Variants in APBA1 observed in about 807,000 individuals in gnomAD.
APBA1 encodes the protein amyloid beta precursor protein binding family A member 1.
In APBA1, 55 loss-of-function variants were observed where a neutral mutation model predicts 86.6. The ratio of observed to expected loss-of-function variants is 0.64; its 90% CI spans 0.51 to 0.80. APBA1 has a LOEUF of 0.80. APBA1 is among the 30% of genes least tolerant of loss of function. The pLI is 0.00. For synonymous variants in APBA1, 511 were observed against 493.9 expected (o/e 1.03, Z -0.46); for missense variants, 1,090 against 1,183.0 (o/e 0.92, Z 1.15).
At chr9:69,531,534 C>T (rs1458063609) in intron 1 of APBA1, among the ~76,000 whole-genome samples, 4 of 152,136 alleles carry the variant, frequency 2.6e-5, no homozygotes, top group African/African-American at 9.7e-5. Context: ...TGCACCTGCT[C>T]CTTCCCCTCT....
chr9:69,639,539 C>T (rs1823244496), intron 1 of APBA1, among the ~76,000 whole-genome samples: 1 of 152,174 alleles, frequency 6.6e-6, no homozygotes, highest in Non-Finnish European at 1.5e-5. Flanking sequence ...GAATCAGGGC[C>T]ACCTTTAATA....
At chr9:69,556,931 G>A (rs1195234926) in intron 1 of APBA1, among the ~76,000 whole-genome samples, 3 of 152,234 alleles carry the variant, frequency 2.0e-5, no homozygotes, top group South Asian at 2.1e-4. Context: ...TTCAGGGATC[G>A]CTGCGTTTCA....
At position 69,472,424 on chromosome 9, in the gene APBA1, G is replaced by A. The variant is rs1835381041; in HGVS notation, c.1297-729C>T. 2.0e-5 allele frequency: 3 copies of A among 152,186 alleles called. No homozygotes were observed. The South Asian group carries it at 6.2e-4, about 31-fold the overall frequency. 9.4% of individuals were successfully genotyped at this position (152,186 alleles called of 1,614,324 possible). A position where few individuals can be genotyped will look rare whatever the true frequency, so the allele number is the denominator to read the frequency against. On this transcript the variant is annotated intron_variant, in intron 3 of 12. Transcript: ENST00000265381. ...CAAAACTCACCATACGTTCCTTTCAGAAGCAGATGTCCTAGATGTAACACT... is the reference window on the plus strand; with the variant it reads ...CAAAACTCACCATACGTTCCTTTCAAAAGCAGATGTCCTAGATGTAACACT...
chr9:69,516,639 C>CCGTAGT lies in APBA1; in HGVS notation c.566_571dup (p.Asp189_Tyr190dup). On this transcript the variant is annotated inframe_insertion, in exon 2 of 13. Transcript: ENST00000265381. This position sits in a 1 kb window ranked among gnomAD's most constrained non-coding sequence, Gnocchi z 7.3. ...CTCGTACACGTGCTCCTGGAGGCCG[C>CCGTAGT]CGTAGTCGGCATAGGGCTCGGAGTA... The CCGTAGT allele has an allele frequency of 6.2e-7, 1 of 1,608,408 alleles. No homozygotes were observed. Among genetic ancestry groups the CCGTAGT allele is most frequent in the Non-Finnish European group, 8.5e-7 (1 of 1,179,126 alleles).
At chr9:69,542,090 A>G (rs1299257415) in intron 1 of APBA1, among the ~76,000 whole-genome samples, 1 of 152,178 alleles carries the variant, frequency 6.6e-6, no homozygotes, top group African/African-American at 2.4e-5. Context: ...TATAATTTCT[A>G]AAAATTAATG....
At chr9:69,596,442 T>C (rs1257828066) in intron 1 of APBA1, among the ~76,000 whole-genome samples, 1 of 152,196 alleles carries the variant, frequency 6.6e-6, no homozygotes, top group East Asian at 1.9e-4. Context: ...AGACACAGGC[T>C]CATGGCGAAT....
chr9:69,571,580 T>C (rs556533676), intron 1 of APBA1, among the ~76,000 whole-genome samples: 7 of 152,304 alleles, frequency 4.6e-5, no homozygotes, highest in South Asian at 2.1e-4. Context: ...TGGTTTCGGA[T>C]GGTAGGATTA....
intron 1 of APBA1, among the ~76,000 whole-genome samples, chr9:69,601,143 G>C (rs2133973628): frequency 6.6e-6 from 1 of 152,250 alleles, no homozygotes; most frequent in South Asian, 2.1e-4. Context: ...TTGTGAACAA[G>C]ATAGAATAAT....
chr9:69,502,334 T>C (rs1409484957), intron 2 of APBA1, among the ~76,000 whole-genome samples: 2 of 152,012 alleles, frequency 1.3e-5, no homozygotes, highest in Non-Finnish European at 2.9e-5. Flanking sequence ...GGTGAAACTC[T>C]AAAGACAAGC....
At chr9:69,487,963 T>C (rs1281174572) in intron 2 of APBA1, among the ~76,000 whole-genome samples, 1 of 152,038 alleles carries the variant, frequency 6.6e-6, no homozygotes, top group Non-Finnish European at 1.5e-5. Flanking sequence ...AAACAAATAA[T>C]AGCAAATAAA....
intron 1 of APBA1, among the ~76,000 whole-genome samples, chr9:69,597,019 G>C (rs28445974): frequency 2.4e-4 from 37 of 152,208 alleles, no homozygotes; most frequent in African/African-American, 8.9e-4. Flanking sequence ...TGGAGGAAAG[G>C]TTAAATTATG....
At chr9:69,666,592 A>G (rs1028462422) in intron 1 of APBA1, among the ~76,000 whole-genome samples, 11 of 152,212 alleles carry the variant, frequency 7.2e-5, no homozygotes, top group African/African-American at 2.4e-4. Context: ...AAAGTGTTCA[A>G]TGAGTGTATG....
At chr9:69,658,248 CTTTCTTTCTTTCTTTCTT>C (rs1823658322) in intron 1 of APBA1, among the ~76,000 whole-genome samples, 1 of 21,904 alleles carries the variant, frequency 4.6e-5, no homozygotes, top group African/African-American at 6.6e-5. Flanking sequence ...TTCTTTCTTT[CTTTCTTTCTTTCTTTCTT>C]TCTTTCTTTC....
chr9:69,500,410 G>A (rs1301463171), intron 2 of APBA1, among the ~76,000 whole-genome samples: 2 of 152,098 alleles, frequency 1.3e-5, no homozygotes, highest in East Asian at 3.8e-4. Flanking sequence ...ACATAAACCT[G>A]ATTAACTCAT....
At chr9:69,559,240 T>C (rs7853783) in intron 1 of APBA1, among the ~76,000 whole-genome samples, 83,827 of 151,962 alleles carry the variant, frequency 0.55, 24,255 homozygotes, top group East Asian at 0.83. Context: ...AATATATTCT[T>C]TCTGGGGGGT....
At chr9:69,624,356 AT>A (rs1280229847) in intron 1 of APBA1, among the ~76,000 whole-genome samples, 1 of 152,236 alleles carries the variant, frequency 6.6e-6, no homozygotes, top group Non-Finnish European at 1.5e-5. Context: ...AAGATCCCAA[AT>A]GAAAAACACA....
At chr9:69,564,346 G>C (rs1445357921) in intron 1 of APBA1, among the ~76,000 whole-genome samples, 1 of 152,160 alleles carries the variant, frequency 6.6e-6, no homozygotes, top group Non-Finnish European at 1.5e-5. Flanking sequence ...TAAAAACAAA[G>C]AGTATGTCTT....
intron 5 of APBA1, among the ~76,000 whole-genome samples, chr9:69,467,413 G>T (rs1425086566): frequency 6.6e-6 from 1 of 152,120 alleles, no homozygotes; most frequent in Non-Finnish European, 1.5e-5. Flanking sequence ...AGGATGGGCT[G>T]GTTCAAAAGC....
chr9:69,536,045 T>C (rs1836503468), intron 1 of APBA1, among the ~76,000 whole-genome samples: 2 of 58,058 alleles, frequency 3.4e-5, no homozygotes, highest in Admixed American at 2.4e-4. Context: ...TGCAGTTTTT[T>C]GTTTTTTTTT....
Sources: gnomAD v4.1 joint callset for allele counts (sites outside exome capture counted in the v4.1 genomes callset) on GRCh38, gnomAD v4.1.1 for gene constraint, Gnocchi (gnomAD v3.1) non-coding constraint, MANE v1.5 for transcripts, NCBI Gene and HGNC (gene_info 2026-07-23, HGNC 2026-07-21) for gene names.